Variants in KIF5C observed in about 807,000 individuals in gnomAD.
KIF5C encodes the protein kinesin heavy chain isoform 5C.
Under a neutral mutation model 125.2 loss-of-function variants are expected in KIF5C, and 18 were observed. The ratio of observed to expected loss-of-function variants is 0.14; its 90% CI spans 0.10 to 0.21. The LOEUF is 0.21. KIF5C is among the 10% of genes least tolerant of loss of function. The pLI is 1.00. For missense variants in KIF5C, 780 were observed against 1,183.8 expected (o/e 0.66, Z 5.01); for synonymous variants, 405 against 434.0 (o/e 0.93, Z 0.83).
chr2:148,928,625 A>C (rs1030362297), intron 2 of KIF5C, among the ~76,000 whole-genome samples: 2 of 152,154 alleles, frequency 1.3e-5, no homozygotes, highest in African/African-American at 4.8e-5. Flanking sequence ...AATTAAAAGA[A>C]ATTTCCTGAT....
Position 148,969,435 on chromosome 2 carries a change from GTGTGTGTGTGTGTGTGTGTGTGTGTGTA to G in KIF5C, c.1118-3892_1118-3865del, listed in dbSNP as rs1296422210. On this transcript the variant is annotated intron_variant, in intron 11 of 25. Transcript: ENST00000435030. ...GGGAAGGTTTCCAGTGTGTGTGTGT[GTGTGTGTGTGTGTGTGTGTGTGTGTGTA>G]TGTGTGTGGGGAGGCCTTTCAGATG... 2.1e-5 allele frequency among the ~76,000 whole-genome samples: 3 copies of G among 145,058 alleles called. No homozygotes were observed. In the East Asian group the frequency reaches 5.8e-4, roughly 28 times the overall value.
chr2:149,020,718 C>T lies in KIF5C; in HGVS notation c.*8-2360C>T, dbSNP rs190057449. ...GGATCTTATCTGACCAGGGGGATAGCGTGCGTGGAGAAATGAACCTGTGAG... is the reference window on the plus strand; with the variant it reads ...GGATCTTATCTGACCAGGGGGATAGTGTGCGTGGAGAAATGAACCTGTGAG... On this transcript the variant is annotated intron_variant, in intron 25 of 25. Transcript: ENST00000435030. 1.1e-3 allele frequency among the ~76,000 whole-genome samples: 163 copies of T among 152,256 alleles called. 2 individuals are homozygous for T. Among genetic ancestry groups the T allele is most frequent in the African/African-American group, 3.6e-3 (148 of 41,548 alleles).
At chr2:148,912,081 G>A (rs143892395) in intron 1 of KIF5C, among the ~76,000 whole-genome samples, 1 of 152,268 alleles carries the variant, frequency 6.6e-6, no homozygotes, top group Non-Finnish European at 1.5e-5. Flanking sequence ...GCTGCTCCTA[G>A]CAGAAGATTA....
At chr2:148,888,515 G>A (rs1375281299) in intron 1 of KIF5C, 1 of 152,036 alleles carries the variant, frequency 6.6e-6, no homozygotes, top group Non-Finnish European at 1.5e-5. Flanking sequence ...CCTGGCCTCT[G>A]CTTGTGGAAG....
At chr2:148,952,952 T>C (rs1682702056) in intron 10 of KIF5C, among the ~76,000 whole-genome samples, 1 of 152,168 alleles carries the variant, frequency 6.6e-6, no homozygotes, top group Non-Finnish European at 1.5e-5. Context: ...GACAGCACTG[T>C]CATATAAGGG....
At chr2:148,976,041 G>A (rs1681056097) in intron 12 of KIF5C, among the ~76,000 whole-genome samples, 1 of 152,124 alleles carries the variant, frequency 6.6e-6, no homozygotes, top group Admixed American at 6.5e-5. Context: ...GGCACTCCTT[G>A]TCTCTTAGTC....
At chr2:148,983,370 C>T (rs1049368035) in intron 14 of KIF5C, among the ~76,000 whole-genome samples, 2 of 152,116 alleles carry the variant, frequency 1.3e-5, no homozygotes, top group Non-Finnish European at 2.9e-5. Flanking sequence ...AACTTATTTC[C>T]CTGACTTGGA....
rs6740780 is a variant in KIF5C, at chr2:149,010,113, T to C, written c.2551-22T>C. On this transcript the variant is annotated intron_variant, in intron 23 of 25. Transcript: ENST00000435030. ...TGCTGCCTGCCTGGTAGTAACTCCC[T>C]TCCTTTATCCTCCTGCCCCAGCTGG... 0.015 allele frequency: 22,938 copies of C among 1,531,520 alleles called. 915 individuals carry two copies. Among genetic ancestry groups the C allele is most frequent in the African/African-American group, 0.14 (10,205 of 72,702 alleles). 94.9% of individuals were successfully genotyped at this position (1,531,520 alleles called of 1,614,324 possible).
rs1681510278 is a variant in KIF5C at position 148,991,039 on chromosome 2, G to A, written c.1746G>A (p.Glu582=). 1 of 1,613,512 alleles carries A rather than the reference G, an allele frequency of 6.2e-7. No individual in the cohort carries two copies. The highest frequency in any genetic ancestry group is 8.5e-7 in the Non-Finnish European group (1 of 1,179,748). The change falls in exon 16 of 26, where the codon GAG becomes GAA. Residue 582 remains glutamate (E), a synonymous_variant. Coordinates refer to ENST00000435030, the MANE Select transcript of KIF5C (RefSeq NM_004522.3). ...TLADVNGVIE[E]EFTMARLYIS... ...CAGATGTGAATGGAGTCATTGAGGA[G>A]GAGTTTACCATGGCCCGCCTGTACA... is the stretch of plus-strand genomic sequence containing the variant.
chr2:148,948,356 CAAA>C (rs1158381843), intron 8 of KIF5C, among the ~76,000 whole-genome samples: 3 of 78,144 alleles, frequency 3.8e-5, no homozygotes, highest in Admixed American at 2.8e-4. Context: ...GACTCTGTCT[CAAA>C]AAAAAAAAAA....
At chr2:149,018,276 G>A (rs978212099) in intron 25 of KIF5C, among the ~76,000 whole-genome samples, 11 of 152,152 alleles carry the variant, frequency 7.2e-5, no homozygotes, top group African/African-American at 2.7e-4. Context: ...GTGACAGAGT[G>A]AGATTCTACC....
At chr2:148,912,663 G>T (rs531662957) in intron 1 of KIF5C, among the ~76,000 whole-genome samples, 2 of 152,152 alleles carry the variant, frequency 1.3e-5, no homozygotes, top group Non-Finnish European at 2.9e-5. Context: ...TGCCTAGGCT[G>T]GTCTCAAACT....
At chr2:148,967,982 G>T (rs1680792884) in intron 11 of KIF5C, among the ~76,000 whole-genome samples, 1 of 152,138 alleles carries the variant, frequency 6.6e-6, no homozygotes, top group Non-Finnish European at 1.5e-5. Flanking sequence ...GTGAAGTCTG[G>T]ATGCATGGCT....
chr2:148,898,725 T>A (rs1411807271), intron 1 of KIF5C, among the ~76,000 whole-genome samples: 1 of 152,186 alleles, frequency 6.6e-6, no homozygotes, highest in African/African-American at 2.4e-5. Context: ...TCTGCAGGCT[T>A]CTTGACATCA....
rs12463572 is a variant in KIF5C, at chr2:148,957,604, A to C, written c.969-4367A>C. 3.0e-3 allele frequency among the ~76,000 whole-genome samples: 126 copies of C among 41,726 alleles called. No individual in the cohort carries two copies. The South Asian group carries it at 0.042, about 14-fold the overall frequency. The allele number at this position is 41,726 out of a possible 152,430, so 27.4% of individuals were successfully genotyped here. On this transcript the variant is annotated intron_variant, in intron 10 of 25. Transcript: ENST00000435030. ...ATGTTTGTTCTAGTAAAAAAAAAAA[A>C]AAAAAAAAAAAAACAATAAACCTCA...
At chr2:148,963,624 G>A in intron 11 of KIF5C, among the ~76,000 whole-genome samples, 1 of 152,194 alleles carries the variant, frequency 6.6e-6, no homozygotes, top group East Asian at 1.9e-4. Flanking sequence ...TGGCAGGAAT[G>A]GGAGAGTCGG....
At chr2:148,972,340 C>T (rs73965230) in intron 11 of KIF5C, among the ~76,000 whole-genome samples, 23,640 of 152,138 alleles carry the variant, frequency 0.16, 2,804 homozygotes, top group African/African-American at 0.33. Context: ...ATACTGCAGA[C>T]ACTCTTACTA....
At chr2:148,951,176 G>A (rs1009342937) in intron 10 of KIF5C, among the ~76,000 whole-genome samples, 2 of 152,128 alleles carry the variant, frequency 1.3e-5, no homozygotes, top group African/African-American at 4.8e-5. Context: ...TTGCACAGTT[G>A]CTGATAAAAC....
intron 1 of KIF5C, among the ~76,000 whole-genome samples, chr2:148,891,889 G>C (rs761613842): frequency 2.3e-4 from 35 of 151,962 alleles, no homozygotes; most frequent in Non-Finnish European, 4.3e-4. Flanking sequence ...GTAGAGGTGG[G>C]GTTTCACCAT....
Sources: allele counts gnomAD v4.1 joint callset (sites outside exome capture counted in the v4.1 genomes callset), GRCh38; gene constraint gnomAD v4.1.1; transcripts MANE v1.5; gene names NCBI Gene and HGNC (gene_info 2026-07-23, HGNC 2026-07-21).